Variants in SORCS2 observed in about 807,000 individuals in gnomAD.
SORCS2 encodes VPS10 domain-containing receptor SorCS2.
Under a neutral mutation model 141.6 loss-of-function variants are expected in SORCS2, and 100 were observed. The observed-to-expected ratio is 0.71, with a 90% CI of 0.60 to 0.83. SORCS2 has a LOEUF of 0.83. Ranked by LOEUF, SORCS2 falls within the 40% of genes least tolerant of loss-of-function variation. The pLI, the probability that SORCS2 is intolerant of heterozygous loss-of-function variation, is 0.00. For missense variants in SORCS2, 1,646 were observed against 1,560.2 expected (o/e 1.05, Z -0.93); for synonymous variants, 789 against 676.9 (o/e 1.17, Z -2.57).
In SORCS2 at chr4:7,193,256, A is replaced by T; in HGVS notation, c.480+130A>T. The T allele has an allele frequency of 9.1e-6, 11 of 1,210,078 alleles. No individual in the cohort carries two copies. The highest frequency in any genetic ancestry group is 1.2e-5 in the Non-Finnish European group (11 of 949,232). The allele number at this position is 1,210,078 out of a possible 1,614,324, so 75.0% of individuals were successfully genotyped here. On this transcript the variant is annotated intron_variant, in intron 1 of 26. Transcript: ENST00000507866. This position sits in a 1 kb window ranked among gnomAD's most constrained non-coding sequence, Gnocchi z 4.8. Reference sequence around the variant, plus strand: ...GGGGCGGGTTCTTGGCGACTTGGGCACTTGGGTCACCTCGGCCGCGCCCCT... The same window carrying T: ...GGGGCGGGTTCTTGGCGACTTGGGCTCTTGGGTCACCTCGGCCGCGCCCCT...
chr4:7,523,857 C>T (rs1418302533), intron 2 of SORCS2, among the ~76,000 whole-genome samples: 1 of 152,182 alleles, frequency 6.6e-6, no homozygotes, highest in African/African-American at 2.4e-5. Context: ...TAACTCCTAC[C>T]ATGCCCTCCA....
chr4:7,397,291 A>G (rs1451755704), intron 2 of SORCS2, among the ~76,000 whole-genome samples: 1 of 152,068 alleles, frequency 6.6e-6, no homozygotes, highest in Non-Finnish European at 1.5e-5. Context: ...TTGTTGAAAC[A>G]TGTCTGGAGT....
chr4:7,315,969 C>G (rs1718522395), intron 1 of SORCS2, among the ~76,000 whole-genome samples: 2 of 152,256 alleles, frequency 1.3e-5, no homozygotes, highest in South Asian at 4.2e-4. Flanking sequence ...ATCTACCCAT[C>G]TATTTATCCA....
At chr4:7,581,008 A>C (rs1242856193) in intron 3 of SORCS2, among the ~76,000 whole-genome samples, 1 of 152,194 alleles carries the variant, frequency 6.6e-6, no homozygotes, top group Non-Finnish European at 1.5e-5. Context: ...TATAAGGAAG[A>C]CATGATGTCA....
At chr4:7,721,181 A>G (rs887338301) in intron 18 of SORCS2, among the ~76,000 whole-genome samples, 5 of 152,222 alleles carry the variant, frequency 3.3e-5, no homozygotes, top group Non-Finnish European at 5.9e-5. Context: ...TACCTGCAGC[A>G]GGGCCCAGCA....
chr4:7,441,311 C>G (rs1053679085), intron 2 of SORCS2, among the ~76,000 whole-genome samples: 1 of 152,102 alleles, frequency 6.6e-6, no homozygotes, highest in South Asian at 2.1e-4. Flanking sequence ...AGGCCAGGGT[C>G]GGGGCTGCTT....
At chr4:7,469,210 A>G (rs2109341230) in intron 2 of SORCS2, among the ~76,000 whole-genome samples, 1 of 151,814 alleles carries the variant, frequency 6.6e-6, no homozygotes, top group African/African-American at 2.4e-5. Context: ...GGTGGTGATG[A>G]TGCTGTTGAT....
intron 2 of SORCS2, among the ~76,000 whole-genome samples, chr4:7,443,534 G>A (rs780993642): frequency 6.6e-6 from 1 of 152,192 alleles, no homozygotes; most frequent in African/African-American, 2.4e-5. Flanking sequence ...CTTGAGAGAC[G>A]CTGAAACTTC....
intron 3 of SORCS2, among the ~76,000 whole-genome samples, chr4:7,621,284 C>A (rs1244433618): frequency 1.3e-5 from 2 of 152,190 alleles, no homozygotes; most frequent in Non-Finnish European, 2.9e-5. Flanking sequence ...CATCTCACAC[C>A]CCTCCCTGCA....
rs146727816 is a variant in SORCS2 at position 7,362,216 on chromosome 4, C to G, written c.481-34072C>G. Among the ~76,000 whole-genome samples the G allele has an allele frequency of 3.1e-3, 478 of 152,182 alleles. 1 individual carries two copies. Among genetic ancestry groups the G allele is most frequent in the African/African-American group, 0.011 (458 of 41,512 alleles). ...AAACTTGTATTCCAAATATCCATAG[C>G]CGCCAGTCGTCCTCTGAATGCCTAA... On this transcript the variant is annotated intron_variant, in intron 1 of 26. Coordinates refer to ENST00000507866, the MANE Select transcript of SORCS2 (RefSeq NM_020777.3).
chr4:7,613,365 C>CG (rs1718549522), intron 3 of SORCS2, among the ~76,000 whole-genome samples: 1 of 152,236 alleles, frequency 6.6e-6, no homozygotes, highest in South Asian at 2.1e-4. Flanking sequence ...CGGGGCTCTG[C>CG]GTGGCCAGGT....
At chr4:7,634,386 G>C (rs1577872188) in intron 3 of SORCS2, among the ~76,000 whole-genome samples, 1 of 142,270 alleles carries the variant, frequency 7.0e-6, no homozygotes, top group South Asian at 2.3e-4. Context: ...AAAAAAAAAA[G>C]AACCTAGGGA....
intron 1 of SORCS2, among the ~76,000 whole-genome samples, chr4:7,301,414 CAAAT>C (rs1489896648): frequency 2.0e-5 from 3 of 152,198 alleles, no homozygotes; most frequent in Non-Finnish European, 2.9e-5. Context: ...CCTGTGTGCT[CAAAT>C]GAATGAGTGA....
intron 4 of SORCS2, among the ~76,000 whole-genome samples, chr4:7,653,805 A>T (rs1721583282): frequency 6.6e-6 from 1 of 151,854 alleles, no homozygotes; most frequent in Non-Finnish European, 1.5e-5. Flanking sequence ...TTCCTCCCAA[A>T]CGCCCTTCCT....
chr4:7,429,190 G>T (rs1726658106), intron 2 of SORCS2, among the ~76,000 whole-genome samples: 1 of 152,194 alleles, frequency 6.6e-6, no homozygotes. Flanking sequence ...GGGCTTTGGG[G>T]AAGGTGCCTG....
rs753491524 is a variant in SORCS2 at position 7,723,803 on chromosome 4, G to A, written c.2531G>A (p.Ser844Asn). The change falls in exon 19 of 27, where the codon AGC (serine) becomes AAC (asparagine). Residue 844 changes from serine (S) to asparagine (N), a missense_variant. Transcript: ENST00000507866. The part of the protein sequence containing the change: ...TGEPIRHRYE[S>N]PGIYRVSVRA... ...GAGCCCATCCGGCACCGCTACGAGA[G>A]CCCCGGCATCTACCGCGTGTCCGTC... is the stretch of plus-strand genomic sequence containing the variant. 1.2e-6 allele frequency: 2 copies of A among 1,613,804 alleles called. No individual in the cohort carries two copies. Among genetic ancestry groups the A allele is most frequent in the South Asian group, 1.1e-5 (1 of 91,082 alleles).
chr4:7,533,162 C>T (rs1460792684), intron 3 of SORCS2, among the ~76,000 whole-genome samples: 2 of 152,170 alleles, frequency 1.3e-5, no homozygotes, highest in African/African-American at 4.8e-5. Flanking sequence ...CCTGGTGGTG[C>T]AGGGGGCCTG....
chr4:7,440,674 C>T (rs1727606407), intron 2 of SORCS2, among the ~76,000 whole-genome samples: 1 of 152,226 alleles, frequency 6.6e-6, no homozygotes, highest in South Asian at 2.1e-4. Context: ...TGGTCACCAA[C>T]TGCTGCCACT....
intron 1 of SORCS2, among the ~76,000 whole-genome samples, chr4:7,278,150 C>T (rs1170397893): frequency 6.6e-6 from 1 of 152,206 alleles, no homozygotes; most frequent in African/African-American, 2.4e-5. Flanking sequence ...TACAGCCCCA[C>T]GCTGCACCCT....
Sources: allele counts gnomAD v4.1 joint callset (sites outside exome capture counted in the v4.1 genomes callset), GRCh38; gene constraint gnomAD v4.1.1; non-coding constraint Gnocchi (gnomAD v3.1); transcripts MANE v1.5; gene names NCBI Gene and HGNC (gene_info 2026-07-23, HGNC 2026-07-21).